Variants in PXDNL observed in about 807,000 individuals in gnomAD.
PXDNL encodes the protein probable oxidoreductase PXDNL.
Under a neutral mutation model 150.8 loss-of-function variants are expected in PXDNL, and 145 were observed. The observed-to-expected ratio is 0.96, with a 90% CI of 0.84 to 1.10. The LOEUF (loss-of-function observed/expected upper bound fraction) is 1.10. Among genes scored for constraint, PXDNL ranks in the 50% least tolerant of loss-of-function variants. The pLI, the probability that PXDNL is intolerant of heterozygous loss-of-function variation, is 0.00. For missense variants in PXDNL, 2,087 were observed against 1,873.9 expected, an observed-to-expected ratio of 1.11 and a Z score of -2.10; for synonymous variants, 757 against 725.7, an observed-to-expected ratio of 1.04 and a Z score of -0.69.
intron 1 of PXDNL, among the ~76,000 whole-genome samples, chr8:51,659,232 T>C (rs1396727919): frequency 6.6e-6 from 1 of 152,192 alleles, no homozygotes; most frequent in East Asian, 1.9e-4. Flanking sequence ...TTTCATCCCA[T>C]TCATTGTTCT....
intron 1 of PXDNL, among the ~76,000 whole-genome samples, chr8:51,731,481 C>A (rs908787892): frequency 9.9e-5 from 15 of 152,228 alleles, no homozygotes; most frequent in Non-Finnish European, 1.5e-4. Flanking sequence ...TGAGTGTCTG[C>A]AGCTTTTCCA....
chr8:51,614,030 C>T (rs13263840), intron 2 of PXDNL, among the ~76,000 whole-genome samples: 74,665 of 152,082 alleles, frequency 0.49, 22,409 homozygotes, highest in Non-Finnish European at 0.67. Flanking sequence ...TCCCTCCCAC[C>T]TGATGGTTGT....
intron 17 of PXDNL, among the ~76,000 whole-genome samples, chr8:51,385,608 G>C (rs374331114): frequency 2.6e-5 from 4 of 152,180 alleles, no homozygotes; most frequent in African/African-American, 9.7e-5. Flanking sequence ...GGCATAAACA[G>C]ATATTTAAAA....
chr8:51,684,952 C>T (rs989099627), intron 1 of PXDNL, among the ~76,000 whole-genome samples: 2 of 152,184 alleles, frequency 1.3e-5, no homozygotes, highest in Non-Finnish European at 2.9e-5. Context: ...ACAATCTCAG[C>T]TATGGGAGAC....
intron 1 of PXDNL, among the ~76,000 whole-genome samples, chr8:51,736,052 AGC>A (rs1817032566): frequency 6.6e-6 from 1 of 152,200 alleles, no homozygotes; most frequent in East Asian, 1.9e-4. Flanking sequence ...CCCTTGAGAG[AGC>A]CATAATTTTT....
intron 1 of PXDNL, among the ~76,000 whole-genome samples, chr8:51,684,408 C>CA (rs1257153215): frequency 6.6e-6 from 1 of 152,188 alleles, no homozygotes. Context: ...CCTCAACTTT[C>CA]AAAATTTCCC....
At chr8:51,442,029 C>T (rs957634698) in intron 12 of PXDNL, among the ~76,000 whole-genome samples, 3 of 152,036 alleles carry the variant, frequency 2.0e-5, no homozygotes, top group Non-Finnish European at 2.9e-5. Context: ...TTTTCTTCTC[C>T]TTTTTTCTGT....
At chr8:51,613,041 G>T (rs1490438265) in intron 2 of PXDNL, among the ~76,000 whole-genome samples, 1 of 152,208 alleles carries the variant, frequency 6.6e-6, no homozygotes, top group African/African-American at 2.4e-5. Flanking sequence ...ATGCCGCAAG[G>T]ACCTAAACTA....
intron 1 of PXDNL, among the ~76,000 whole-genome samples, chr8:51,715,589 C>A (rs1195323151): frequency 6.6e-6 from 1 of 152,144 alleles, no homozygotes; most frequent in African/African-American, 2.4e-5. Flanking sequence ...ACCTCACTGA[C>A]CTCCTGCGGC....
chr8:51,786,621 C>G (rs1046771825), intron 1 of PXDNL, among the ~76,000 whole-genome samples: 2 of 151,410 alleles, frequency 1.3e-5, no homozygotes, highest in Non-Finnish European at 2.9e-5. Context: ...CTGTGACACA[C>G]TGAAGCTAGC....
Position 51,535,058 on chromosome 8 carries a change from C to T in PXDNL, c.380+21782G>A, listed in dbSNP as rs1585558635. Among the ~76,000 whole-genome samples the T allele has an allele frequency of 1.7e-5, 2 of 115,470 alleles. 1 individual carries two copies. The highest frequency in any genetic ancestry group is 6.3e-4 in the East Asian group (2 of 3,184). The allele number at this position is 115,470 out of a possible 152,430, so 75.8% of individuals were successfully genotyped here. A position where few individuals can be genotyped will look rare whatever the true frequency, so the allele number is the denominator to read the frequency against. On this transcript the variant is annotated intron_variant, in intron 4 of 22. Transcript: ENST00000356297. Reference sequence around the variant, plus strand: ...GCCCCTACTGGGAAGTGAGGAGCCCCTCTGCCTGGCCAGCCGCCCCGTCCG... The same window carrying T: ...GCCCCTACTGGGAAGTGAGGAGCCCTTCTGCCTGGCCAGCCGCCCCGTCCG...
chr8:51,646,981 T>C (rs1297145975), intron 2 of PXDNL, among the ~76,000 whole-genome samples: 1 of 152,128 alleles, frequency 6.6e-6, no homozygotes, highest in African/African-American at 2.4e-5. Context: ...TTACTACTGG[T>C]ACTTCAGCAC....
chr8:51,436,281 T>C, intron 12 of PXDNL: 1 of 492,450 alleles, frequency 2.0e-6, no homozygotes, highest in East Asian at 5.6e-5. Flanking sequence ...TAGAAGAAGG[T>C]GTTGCTCTTG....
rs187585455 is a variant in PXDNL, at chr8:51,744,345, A to G, written c.164+64836T>C. 2.6e-5 allele frequency among the ~76,000 whole-genome samples: 4 copies of G among 151,480 alleles called. No homozygotes were observed. The East Asian group carries it at 7.8e-4, about 30-fold the overall frequency. ...AAGAAGAAAGGAAGGAAAGAGAGAA[A>G]GAGAGAAAGAAAAGAGAGAGAAAGA... On this transcript the variant is annotated intron_variant, in intron 1 of 22. Transcript: ENST00000356297.
At chr8:51,634,421 C>G (rs1198503517) in intron 2 of PXDNL, among the ~76,000 whole-genome samples, 1 of 152,116 alleles carries the variant, frequency 6.6e-6, no homozygotes, top group African/African-American at 2.4e-5. Flanking sequence ...TGTGATGCCT[C>G]TGGCTTTGCT....
chr8:51,542,514 A>G (rs1348245238), intron 4 of PXDNL, among the ~76,000 whole-genome samples: 1 of 148,126 alleles, frequency 6.8e-6, no homozygotes, highest in Non-Finnish European at 1.5e-5. Context: ...AAAAAAAGAG[A>G]GAGAGAGAAG....
At chr8:51,662,289 G>A (rs765744123) in intron 1 of PXDNL, among the ~76,000 whole-genome samples, 3 of 152,292 alleles carry the variant, frequency 2.0e-5, no homozygotes, top group Non-Finnish European at 4.4e-5. Context: ...GGAGGCTGAG[G>A]CAGGCAGATC....
chr8:51,592,067 C>T (rs1311389256), intron 3 of PXDNL, among the ~76,000 whole-genome samples: 1 of 152,196 alleles, frequency 6.6e-6, no homozygotes, highest in Non-Finnish European at 1.5e-5. Flanking sequence ...ACCAATGTTT[C>T]TGAGTCAAAC....
At chr8:51,521,823 T>C (rs1019157325) in intron 4 of PXDNL, among the ~76,000 whole-genome samples, 2 of 152,128 alleles carry the variant, frequency 1.3e-5, no homozygotes, top group Non-Finnish European at 2.9e-5. Flanking sequence ...TACACTGAAC[T>C]TCTCATTAGA....
Sources: allele counts gnomAD v4.1 joint callset (sites outside exome capture counted in the v4.1 genomes callset), GRCh38; gene constraint gnomAD v4.1.1; transcripts MANE v1.5; gene names NCBI Gene and HGNC (gene_info 2026-07-23, HGNC 2026-07-21).